RNF144B: variants seen among roughly 807,000 people sequenced by gnomAD.
RNF144B encodes ring finger protein 144B.
In RNF144B, 25 loss-of-function variants were observed where a neutral mutation model predicts 40.2. The observed-to-expected ratio is 0.62, with a 90% CI of 0.45 to 0.87. The LOEUF (loss-of-function observed/expected upper bound fraction) is 0.87, where lower values mean the gene tolerates loss of function less well. Ranked by LOEUF, RNF144B falls within the 40% of genes least tolerant of loss-of-function variation. The probability of loss-of-function intolerance (pLI) is 0.00; values close to 1 mark genes in which losing one functional copy is unlikely to be tolerated. For synonymous variants in RNF144B, 145 were observed against 136.3 expected (o/e 1.06, Z -0.44); for missense variants, 365 against 373.7 (o/e 0.98, Z 0.19).
chr6:18,407,598 A>C (rs1478428929), intron 2 of RNF144B, among the ~76,000 whole-genome samples: 1 of 152,190 alleles, frequency 6.6e-6, no homozygotes, highest in Non-Finnish European at 1.5e-5. Flanking sequence ...AATTGAAACC[A>C]TCTTTGCTCT....
At chr6:18,413,353 A>G (rs1476985263) in intron 2 of RNF144B, among the ~76,000 whole-genome samples, 1 of 152,242 alleles carries the variant, frequency 6.6e-6, no homozygotes, top group Admixed American at 6.5e-5. Context: ...TTTAGTCAGT[A>G]CAAAACAAAT....
intron 1 of RNF144B, among the ~76,000 whole-genome samples, chr6:18,390,789 C>T (rs1219497494): frequency 6.6e-6 from 1 of 152,180 alleles, no homozygotes; most frequent in Non-Finnish European, 1.5e-5. Flanking sequence ...CTGTTGAAAA[C>T]CTCCTCAACT....
rs950696399 is a variant in RNF144B, at chr6:18,396,820, A to G, written c.-36-2679A>G. The G allele has an allele frequency of 8.1e-6, 8 of 985,276 alleles. No individual in the cohort carries two copies. The African/African-American group carries it at 1.0e-4, about 13-fold the overall frequency. 61.0% of individuals were successfully genotyped at this position (985,276 alleles called of 1,614,324 possible). A position where few individuals can be genotyped will look rare whatever the true frequency, so the allele number is the denominator to read the frequency against. On this transcript the variant is annotated intron_variant, in intron 1 of 7. Coordinates refer to ENST00000259939, the MANE Select transcript of RNF144B (RefSeq NM_182757.4). ...TTAAGCATGAACTGGGAGGAAGGAA[A>G]AGGTAAAGTCATTCATTTTTACCCG...
intron 3 of RNF144B, among the ~76,000 whole-genome samples, chr6:18,430,338 CCACTAGG>C (rs1474323292): frequency 6.6e-6 from 1 of 152,164 alleles, no homozygotes; most frequent in African/African-American, 2.4e-5. Flanking sequence ...TAAATGGTAG[CCACTAGG>C]CACTGACATT....
chr6:18,388,925 A>T (rs1794524750), intron 1 of RNF144B, among the ~76,000 whole-genome samples: 1 of 152,126 alleles, frequency 6.6e-6, no homozygotes, highest in African/African-American at 2.4e-5. Context: ...GTAAACATAT[A>T]TAGTGAACGT....
At chr6:18,445,225 G>T (rs1186925641) in intron 4 of RNF144B, among the ~76,000 whole-genome samples, 1 of 152,120 alleles carries the variant, frequency 6.6e-6, no homozygotes, top group Non-Finnish European at 1.5e-5. Flanking sequence ...GTGGAGAATG[G>T]CAGAAAAACC....
In RNF144B at chr6:18,392,187, G is replaced by A. The variant is rs372970709; in HGVS notation, c.-37+4557G>A. 3.7e-4 allele frequency among the ~76,000 whole-genome samples: 57 copies of A among 152,106 alleles called. 1 individual carries two copies. The highest frequency in any genetic ancestry group is 1.2e-3 in the African/African-American group (51 of 41,518). ...AGCACCACTGCACTGCAGCCTGGGC[G>A]ACAGAGCGAGACTCCGTCTCAAAAA... On this transcript the variant is annotated intron_variant, in intron 1 of 7. Transcript: ENST00000259939.
At chr6:18,401,558 G>A (rs1403787121) in intron 2 of RNF144B, among the ~76,000 whole-genome samples, 2 of 152,150 alleles carry the variant, frequency 1.3e-5, no homozygotes, top group Admixed American at 1.3e-4. Flanking sequence ...ATTAGTGTCT[G>A]TAAAATTGTA....
Position 18,412,913 on chromosome 6 carries a change from A to C in RNF144B, c.165+13214A>C, listed in dbSNP as rs1229429104. ...ATATGTGTGAGGTATTTACTACATG[A>C]ATGTAGGGTATTTTTTCAATCTGCT... On this transcript the variant is annotated intron_variant, in intron 2 of 7. Transcript: ENST00000259939. This position sits in a 1 kb window ranked among gnomAD's most constrained non-coding sequence, Gnocchi z 4.2. Among the ~76,000 whole-genome samples, 1 of 152,148 alleles carries C rather than the reference A, an allele frequency of 6.6e-6. No homozygotes were observed. The highest frequency in any genetic ancestry group is 2.4e-5 in the African/African-American group (1 of 41,436).
rs1759065926 is a variant in RNF144B, at chr6:18,445,675, G to T, written c.331+5931G>T. ...ATTTTGAAGGCACTATTATTTAGGG[G>T]CTGACTTACAGGGCCCTGGTTTCTC... On this transcript the variant is annotated intron_variant, in intron 4 of 7. Transcript: ENST00000259939. Among the ~76,000 whole-genome samples the T allele has an allele frequency of 2.6e-5, 4 of 152,172 alleles. No homozygotes were observed. In the South Asian group the frequency reaches 8.3e-4, roughly 32 times the overall value.
chr6:18,464,790 C>T lies in RNF144B; in HGVS notation c.772-137C>T, dbSNP rs1759540576. 6.1e-6 allele frequency: 5 copies of T among 816,268 alleles called. No individual in the cohort carries two copies. Among genetic ancestry groups the T allele is most frequent in the East Asian group, 2.7e-5 (1 of 37,660 alleles). 50.6% of individuals were successfully genotyped at this position (816,268 alleles called of 1,614,324 possible). ...GCCTCGTCTCCAAATACCGTCACATCGGGGATTTAGGGTTTCAACATATGA... is the reference window on the plus strand; with the variant it reads ...GCCTCGTCTCCAAATACCGTCACATTGGGGATTTAGGGTTTCAACATATGA... On this transcript the variant is annotated intron_variant, in intron 7 of 7. Transcript: ENST00000259939. This position sits in a 1 kb window ranked among gnomAD's most constrained non-coding sequence, Gnocchi z 6.1.
At chr6:18,421,313 C>T (rs1015383107) in intron 2 of RNF144B, among the ~76,000 whole-genome samples, 176 of 133,344 alleles carry the variant, frequency 1.3e-3, no homozygotes, top group Admixed American at 2.4e-3. Flanking sequence ...CACACACACA[C>T]ACATATATAT....
intron 4 of RNF144B, among the ~76,000 whole-genome samples, chr6:18,453,789 C>T (rs767307795): frequency 3.3e-5 from 5 of 152,150 alleles, no homozygotes; most frequent in Non-Finnish European, 5.9e-5. Flanking sequence ...GCTTTAATCT[C>T]GTTGATAAAA....
rs1207221443 is a variant in RNF144B at position 18,450,848 on chromosome 6, A to G, written c.332-6307A>G. 6.6e-6 allele frequency among the ~76,000 whole-genome samples: 1 copy of G among 152,140 alleles called. No homozygotes were observed. The highest frequency in any genetic ancestry group is 1.5e-5 in the Non-Finnish European group (1 of 68,022). ...TGCCTGCAAAGTTGCTACCTCAGGG[A>G]TTTTTTAAAAAAGATCTGTTGATAT... is the stretch of plus-strand genomic sequence containing the variant. On this transcript the variant is annotated intron_variant, in intron 4 of 7. Coordinates refer to ENST00000259939, the MANE Select transcript of RNF144B (RefSeq NM_182757.4). The surrounding 1 kb of genome is among the most constrained non-coding windows in gnomAD (Gnocchi z 4.7).
intron 3 of RNF144B, among the ~76,000 whole-genome samples, chr6:18,431,509 C>T (rs749076802): frequency 3.6e-4 from 54 of 152,102 alleles, no homozygotes; most frequent in Non-Finnish European, 6.0e-4. Flanking sequence ...GGCTTATAAT[C>T]TATATATTAC....
rs1424757530 is a variant in RNF144B at position 18,460,809 on chromosome 6, G to A, written c.681+1058G>A. On this transcript the variant is annotated intron_variant, in intron 6 of 7. Transcript: ENST00000259939. This position sits in a 1 kb window ranked among gnomAD's most constrained non-coding sequence, Gnocchi z 4.4. The stretch of plus-strand genomic sequence containing the variant: ...ATGGTAACTTCAGAGTTAAAAATGC[G>A]ATGCAAAGAGTTGGTGAGAAGGTCT... Among the ~76,000 whole-genome samples the A allele has an allele frequency of 6.6e-6, 1 of 152,162 alleles. No individual in the cohort carries two copies. The highest frequency in any genetic ancestry group is 3.2e-3 in the Middle Eastern group (1 of 316).
At chr6:18,438,212 A>C (rs1373977957) in intron 3 of RNF144B, among the ~76,000 whole-genome samples, 1 of 152,146 alleles carries the variant, frequency 6.6e-6, no homozygotes, top group Non-Finnish European at 1.5e-5. Context: ...TTCTGTCTCC[A>C]ACTCTGAATT....
intron 4 of RNF144B, among the ~76,000 whole-genome samples, chr6:18,449,141 G>C (rs762115958): frequency 2.6e-5 from 4 of 152,138 alleles, no homozygotes; most frequent in Non-Finnish European, 4.4e-5. Flanking sequence ...CTTCCATTCT[G>C]GGTTTTTCTG....
rs1253278378 is a variant in RNF144B, at chr6:18,400,301, G to C, written c.165+602G>C. Among the ~76,000 whole-genome samples the C allele has an allele frequency of 6.6e-6, 1 of 151,740 alleles. No individual in the cohort carries two copies. Among genetic ancestry groups the C allele is most frequent in the Non-Finnish European group, 1.5e-5 (1 of 67,950 alleles). ...AAAAAAAAAAAAAATTTAACATGCT[G>C]TAGTTAACTACCACCTATAAGAAAC... On this transcript the variant is annotated intron_variant, in intron 2 of 7. Coordinates refer to ENST00000259939, the MANE Select transcript of RNF144B (RefSeq NM_182757.4). This position sits in a 1 kb window ranked among gnomAD's most constrained non-coding sequence, Gnocchi z 5.6.
Sources: allele counts gnomAD v4.1 joint callset (sites outside exome capture counted in the v4.1 genomes callset), GRCh38; gene constraint gnomAD v4.1.1; non-coding constraint Gnocchi (gnomAD v3.1); transcripts MANE v1.5; gene names NCBI Gene and HGNC (gene_info 2026-07-23, HGNC 2026-07-21).